Variants in CLASP2 observed in about 807,000 individuals in gnomAD.
CLASP2 encodes CLIP-associating protein 2.
A neutral mutation model predicts 194.4 loss-of-function variants in CLASP2; 47 were observed. That is an observed-to-expected ratio of 0.24 (90% CI 0.19 to 0.31). CLASP2 has a LOEUF of 0.31. Among genes scored for constraint, CLASP2 ranks in the 10% least tolerant of loss-of-function variants. The pLI is 1.00. For missense variants in CLASP2, 1,445 were observed against 1,823.6 expected, an observed-to-expected ratio of 0.79 and a Z score of 3.78; for synonymous variants, 619 against 633.5, an observed-to-expected ratio of 0.98 and a Z score of 0.34.
chr3:33,609,931 G>T (rs904689220), intron 13 of CLASP2, among the ~76,000 whole-genome samples: 2 of 152,144 alleles, frequency 1.3e-5, no homozygotes, highest in Non-Finnish European at 2.9e-5. Flanking sequence ...CAAAGTGATG[G>T]AGTTAAACTT....
chr3:33,697,065 G>C (rs1366908947), intron 1 of CLASP2, 132 bp from the exon 2 acceptor site: 2 of 611,744 alleles, frequency 3.3e-6, no homozygotes, highest in African/African-American at 3.7e-5. Context: ...AAGTATTCAA[G>C]GGTAAACAGT....
chr3:33,717,761 G>A (rs944167120), intron 1 of CLASP2, 47 bp downstream of exon 1: 3 of 1,540,704 alleles, frequency 1.9e-6, no homozygotes, highest in South Asian at 2.4e-5. Flanking sequence ...GGATTAAAGG[G>A]CTGCCGCGGA....
chr3:33,653,626 T>C (rs1224094141), intron 7 of CLASP2, among the ~76,000 whole-genome samples: 1 of 152,210 alleles, frequency 6.6e-6, no homozygotes, highest in Non-Finnish European at 1.5e-5. Flanking sequence ...TGTAACTGTC[T>C]TTCTAAAAGA....
At position 33,517,162 on chromosome 3, in the gene CLASP2, T is replaced by C. The variant is rs2051549260; in HGVS notation, c.3800A>G (p.Asp1267Gly). Residue 1267 changes from aspartate to glycine, a missense_variant, in exon 35 of 39, where the codon GAT becomes GGT. Asp to Gly is a moderately conservative substitution (Grantham distance 94, BLOSUM62 -1). This residue lies in a region of CLASP2 where 732 missense variants were observed against 987.9 expected (regional missense o/e 0.74). Coordinates refer to ENST00000682230, the MANE Select transcript of CLASP2 (RefSeq NM_001365631.1). ...ADQFPDDLSL[D>G]HSDLVAELLK... ...CAACTCTGCAACTAGGTCAGAATGA[T>C]CTAGGGAAAGATCTGTCAAAAGGAC... 6.2e-7 allele frequency: 1 copy of C among 1,610,910 alleles called. No individual in the cohort carries two copies. The highest frequency in any genetic ancestry group is 1.3e-5 in the African/African-American group (1 of 74,738).
chr3:33,643,539 G>C (rs2081717319), intron 8 of CLASP2, among the ~76,000 whole-genome samples: 1 of 151,714 alleles, frequency 6.6e-6, no homozygotes, highest in African/African-American at 2.4e-5. Context: ...AAAATCTAAA[G>C]TATAGATTAC....
At chr3:33,577,544 G>A (rs114438563) in intron 23 of CLASP2, among the ~76,000 whole-genome samples, 2,009 of 151,732 alleles carry the variant, frequency 0.013, 27 homozygotes, top group Non-Finnish European at 0.021. Context: ...ACAAAAAAAC[G>A]AACATTATAG....
chr3:33,679,463 A>G (rs988471055), intron 6 of CLASP2, among the ~76,000 whole-genome samples: 1 of 152,188 alleles, frequency 6.6e-6, no homozygotes, highest in Admixed American at 6.5e-5. Context: ...ACAGAGTGGG[A>G]GAAAATATTT....
chr3:33,517,292 A>G, intron 34 of CLASP2, 118 bp from the exon 35 acceptor site: 3 of 789,174 alleles, frequency 3.8e-6, no homozygotes, highest in Non-Finnish European at 5.6e-6. Flanking sequence ...TGTAAAAAAG[A>G]CAAAGAAAAA....
chr3:33,568,398 C>A (rs558926566), intron 26 of CLASP2, among the ~76,000 whole-genome samples: 3 of 151,284 alleles, frequency 2.0e-5, no homozygotes, highest in Non-Finnish European at 2.9e-5. Context: ...ACTAAAAATA[C>A]GAAAAATGAG....
intron 36 of CLASP2, among the ~76,000 whole-genome samples, chr3:33,513,932 C>A (rs2050589920): frequency 6.6e-6 from 1 of 152,130 alleles, no homozygotes; most frequent in South Asian, 2.1e-4. Context: ...TATGAGTTGC[C>A]TTTTCACTTT....
chr3:33,674,130 C>A (rs2087995967), intron 6 of CLASP2, among the ~76,000 whole-genome samples: 1 of 152,176 alleles, frequency 6.6e-6, no homozygotes, highest in Non-Finnish European at 1.5e-5. Flanking sequence ...CCCAAATCAA[C>A]AGAATATACA....
intron 7 of CLASP2, among the ~76,000 whole-genome samples, chr3:33,652,565 CAGACTATACACTCTCT>C (rs2083398877): frequency 6.6e-6 from 1 of 152,148 alleles, no homozygotes; most frequent in South Asian, 2.1e-4. Context: ...TCCTTCTCTC[CAGACTATACACTCTCT>C]AAATGACCTC....
intron 7 of CLASP2, among the ~76,000 whole-genome samples, chr3:33,655,028 TTAAA>T (rs2083901803): frequency 6.6e-6 from 1 of 152,128 alleles, no homozygotes; most frequent in Admixed American, 6.6e-5. Context: ...ATTAATGAAA[TTAAA>T]TAACACATGC....
At chr3:33,572,543 C>T (rs2063981126) in intron 25 of CLASP2, among the ~76,000 whole-genome samples, 1 of 152,004 alleles carries the variant, frequency 6.6e-6, no homozygotes, top group African/African-American at 2.4e-5. Flanking sequence ...TAAAACATCA[C>T]ACAGACAAGG....
At position 33,626,991 on chromosome 3, in the gene CLASP2, A is replaced by G; in HGVS notation, c.1032T>C (p.Asn344=). 6.3e-7 allele frequency: 1 copy of G among 1,575,472 alleles called. No individual in the cohort carries two copies. The highest frequency in any genetic ancestry group is 1.2e-5 in the South Asian group (1 of 85,146). ...AAAATTAAAGACAAAAACTTACTGC[A>G]TTGGCACGCTGATCCCAGTCATGTT... ...DDKHDWDQRA[N]ALKKIRSLLV... Residue 344 remains asparagine, a synonymous_variant, in exon 10 of 39, where the codon AAT becomes AAC. Transcript: ENST00000682230.
intron 29 of CLASP2, among the ~76,000 whole-genome samples, chr3:33,552,116 A>AT (rs760891395): frequency 0.046 from 6,180 of 135,234 alleles, 289 homozygotes; most frequent in African/African-American, 0.11. Flanking sequence ...TGGGTTTATA[A>AT]TTTTTTTTTT....
chr3:33,682,510 A>G (rs1031803654), intron 6 of CLASP2, among the ~76,000 whole-genome samples: 4 of 152,144 alleles, frequency 2.6e-5, no homozygotes, highest in African/African-American at 9.7e-5. Context: ...AATGCTAAAT[A>G]CCCTAATAAA....
At chr3:33,584,677 C>T in intron 22 of CLASP2, 73 bp downstream of exon 22, 1 of 1,330,074 alleles carries the variant, frequency 7.5e-7, no homozygotes, top group Non-Finnish European at 1.0e-6. Flanking sequence ...CCAAAGTCTT[C>T]AATGCTGCCA....
chr3:33,679,999 T>A (rs2089517596), intron 6 of CLASP2, among the ~76,000 whole-genome samples: 1 of 152,150 alleles, frequency 6.6e-6, no homozygotes, highest in Non-Finnish European at 1.5e-5. Context: ...CACAGTAGAA[T>A]GGAAAAACTG....
Sources: allele counts gnomAD v4.1 joint callset (sites outside exome capture counted in the v4.1 genomes callset), GRCh38; gene constraint gnomAD v4.1.1; regional missense constraint gnomAD v4.1.1; transcripts MANE v1.5; gene names NCBI Gene and HGNC (gene_info 2026-07-23, HGNC 2026-07-21).